Variants in CNTN1 observed in about 807,000 individuals in gnomAD.
CNTN1 encodes the protein contactin 1, also known as contactin-1.
CNTN1 carries 38 observed loss-of-function variants against 126.4 expected under a neutral mutation model. That is an observed-to-expected ratio of 0.30 (90% CI 0.23 to 0.39). The LOEUF is 0.39. Among genes scored for constraint, CNTN1 ranks in the 10% least tolerant of loss-of-function variants. The pLI is 1.00. For synonymous variants in CNTN1, 413 were observed against 422.6 expected, an observed-to-expected ratio of 0.98 and a Z score of 0.28; for missense variants, 1,009 against 1,248.4, an observed-to-expected ratio of 0.81 and a Z score of 2.89.
chr12:40,971,827 A>T, intron 15 of CNTN1: 1 of 1,140,972 alleles, frequency 8.8e-7, no homozygotes, highest in Non-Finnish European at 1.1e-6. Flanking sequence ...TTAGCTCATT[A>T]TCTGAAAAAC....
intron 1 of CNTN1, among the ~76,000 whole-genome samples, chr12:40,754,955 G>A (rs1011922176): frequency 2.0e-5 from 3 of 151,686 alleles, no homozygotes; most frequent in African/African-American, 7.3e-5. Flanking sequence ...CGGCACTTTG[G>A]GAAGCCAAGG....
intron 14 of CNTN1, among the ~76,000 whole-genome samples, chr12:40,952,350 T>G (rs1433465124): frequency 2.0e-5 from 3 of 152,120 alleles, no homozygotes; most frequent in Non-Finnish European, 4.4e-5. Flanking sequence ...ATTAGGGCTA[T>G]GAAATTATAA....
At chr12:40,856,708 G>A (rs1177916254) in intron 1 of CNTN1, among the ~76,000 whole-genome samples, 1 of 152,140 alleles carries the variant, frequency 6.6e-6, no homozygotes, top group Non-Finnish European at 1.5e-5. Flanking sequence ...TAGTAGTAAG[G>A]AAGATTTGCC....
chr12:41,042,753 T>A (rs1949445301), intron 23 of CNTN1, among the ~76,000 whole-genome samples: 1 of 152,102 alleles, frequency 6.6e-6, no homozygotes, highest in Non-Finnish European at 1.5e-5. Flanking sequence ...CAAACTATAC[T>A]ACAAGTCTAC....
chr12:40,870,669 A>G (rs1437672095), intron 1 of CNTN1, among the ~76,000 whole-genome samples: 1 of 152,034 alleles, frequency 6.6e-6, no homozygotes, highest in African/African-American at 2.4e-5. Context: ...TGGGTGAAGG[A>G]ATGACAGAGG....
chr12:40,827,738 T>A (rs1565792520), intron 1 of CNTN1, among the ~76,000 whole-genome samples: 1 of 152,104 alleles, frequency 6.6e-6, no homozygotes. Context: ...CTTCTGCCTA[T>A]GATTTAGGTT....
At chr12:40,938,722 C>T (rs1946164653) in intron 11 of CNTN1, among the ~76,000 whole-genome samples, 1 of 152,146 alleles carries the variant, frequency 6.6e-6, no homozygotes, top group South Asian at 2.1e-4. Context: ...GTCAAAGCAA[C>T]AGAATTCAGA....
intron 1 of CNTN1, among the ~76,000 whole-genome samples, chr12:40,857,838 G>A (rs548493766): frequency 7.2e-5 from 11 of 152,210 alleles, no homozygotes; most frequent in African/African-American, 2.6e-4. Context: ...TTGACTCTCT[G>A]TATGAATCTG....
intron 1 of CNTN1, among the ~76,000 whole-genome samples, chr12:40,815,957 G>C (rs1276538246): frequency 6.6e-6 from 1 of 152,178 alleles, no homozygotes; most frequent in African/African-American, 2.4e-5. Context: ...TATGTTTATT[G>C]ATTTGTGTAT....
chr12:40,902,588 T>C (rs906702901), intron 1 of CNTN1, among the ~76,000 whole-genome samples: 4 of 152,106 alleles, frequency 2.6e-5, no homozygotes, highest in Non-Finnish European at 4.4e-5. Context: ...AAATTTTTTT[T>C]GTAAAAGTGA....
intron 23 of CNTN1, among the ~76,000 whole-genome samples, chr12:41,063,152 A>T (rs1243392521): frequency 6.6e-6 from 1 of 152,228 alleles, no homozygotes; most frequent in Non-Finnish European, 1.5e-5. Context: ...GGTTACTCAT[A>T]AAAATGGATC....
At chr12:40,826,445 C>T (rs1033313510) in intron 1 of CNTN1, among the ~76,000 whole-genome samples, 23 of 152,040 alleles carry the variant, frequency 1.5e-4, no homozygotes, top group Non-Finnish European at 7.4e-5. Flanking sequence ...AGAAGCTACC[C>T]GGGGCAGAAC....
chr12:41,022,081 A>G (rs1310873530), intron 20 of CNTN1, among the ~76,000 whole-genome samples: 2 of 152,164 alleles, frequency 1.3e-5, no homozygotes, highest in Non-Finnish European at 2.9e-5. Flanking sequence ...ATTATATATT[A>G]TCTTTGTTAA....
At chr12:40,739,273 A>T (rs913662963) in intron 1 of CNTN1, among the ~76,000 whole-genome samples, 3 of 152,074 alleles carry the variant, frequency 2.0e-5, no homozygotes, top group African/African-American at 7.2e-5. Flanking sequence ...GTCAATAAGG[A>T]TAAATCTCAA....
chr12:41,028,027 A>G lies in CNTN1; in HGVS notation c.2823+58A>G, dbSNP rs73126915. ...ATTCTTGCTATTTCAGTGAAACCCA[A>G]GATGGGTTTCTTTTCTTTTTTTGAG... On this transcript the variant is annotated intron_variant, in intron 22 of 23. Transcript: ENST00000551295. The G allele has an allele frequency of 0.012, 14,571 of 1,231,752 alleles. 120 individuals are homozygous for G. Among genetic ancestry groups the G allele is most frequent in the Non-Finnish European group, 0.014 (11,671 of 833,164 alleles). The allele number at this position is 1,231,752 out of a possible 1,614,324, so 76.3% of individuals were successfully genotyped here.
In CNTN1 at chr12:40,736,328, C is replaced by G. The variant is rs573736267; in HGVS notation, c.-77+43736C>G. Among the ~76,000 whole-genome samples the G allele has an allele frequency of 5.3e-4, 81 of 152,030 alleles. 2 individuals carry two copies. In the South Asian group the frequency reaches 0.016, roughly 30 times the overall value. Reference sequence around the variant, plus strand: ...AGGATATTCTAATTTATCTCTCAGACCACGGCAAACAAATAGACCAAAAGT... The same window carrying G: ...AGGATATTCTAATTTATCTCTCAGAGCACGGCAAACAAATAGACCAAAAGT... On this transcript the variant is annotated intron_variant, in intron 1 of 23. Coordinates refer to ENST00000551295, the MANE Select transcript of CNTN1 (RefSeq NM_001843.4).
chr12:40,900,422 T>G (rs1427728678), intron 1 of CNTN1, among the ~76,000 whole-genome samples: 1 of 152,174 alleles, frequency 6.6e-6, no homozygotes, highest in Non-Finnish European at 1.5e-5. Context: ...CATAGATTTT[T>G]GTCCTACATT....
intron 7 of CNTN1, among the ~76,000 whole-genome samples, chr12:40,932,735 C>T (rs1945934613): frequency 6.6e-6 from 1 of 151,958 alleles, no homozygotes; most frequent in Non-Finnish European, 1.5e-5. Flanking sequence ...CCGTCCTCAT[C>T]AGTCACTCTT....
At position 41,005,361 on chromosome 12, in the gene CNTN1, A is replaced by AT. The variant is rs202046567; in HGVS notation, c.2114-8861dup. 1.4e-4 allele frequency among the ~76,000 whole-genome samples: 22 copies of AT among 151,930 alleles called. No individual in the cohort carries two copies. The East Asian group carries it at 4.3e-3, about 30-fold the overall frequency. On this transcript the variant is annotated intron_variant, in intron 17 of 23. Transcript: ENST00000551295. ...ACCTTTCTCTCTAGCTGTCTTTAGC[A>AT]TTTTTTCTTTCATTTCAATCTTTAA...
Sources: allele counts gnomAD v4.1 joint callset (sites outside exome capture counted in the v4.1 genomes callset), GRCh38; gene constraint gnomAD v4.1.1; transcripts MANE v1.5; gene names NCBI Gene and HGNC (gene_info 2026-07-23, HGNC 2026-07-21).